The following ANK2 variants were observed in gnomAD, a reference collection of about 807,000 sequenced individuals.
ANK2 encodes ankyrin-2.
Under a neutral mutation model 360.5 loss-of-function variants are expected in ANK2, and 83 were observed. That is an observed-to-expected ratio of 0.23 (90% confidence interval 0.19 to 0.28). The LOEUF is 0.28. Among genes scored for constraint, ANK2 ranks in the 10% least tolerant of loss-of-function variants. The pLI, the probability that ANK2 is intolerant of heterozygous loss-of-function variation, is 1.00. For missense variants in ANK2, 4,201 were observed against 4,795.7 expected, an observed-to-expected ratio of 0.88 and a Z score of 3.66; for synonymous variants, 1,740 against 1,759.5, an observed-to-expected ratio of 0.99 and a Z score of 0.28.
rs116338686 is a variant in ANK2 at position 113,145,933 on chromosome 4, T to A, written c.85-28483T>A. 4.5e-4 allele frequency: 577 copies of A among 1,289,772 alleles called. 3 individuals carry two copies. In the African/African-American group the frequency reaches 7.8e-3, roughly 17 times the overall value. The allele number at this position is 1,289,772 out of a possible 1,614,324, so 79.9% of individuals were successfully genotyped here. A position where few individuals can be genotyped will look rare whatever the true frequency, so the allele number is the denominator to read the frequency against. Reference sequence around the variant, plus strand: ...AAGAGCATAAGAGCACAAGGAAACATGCAGGAACTGGATAAAACCCCAGAC... The same window carrying A: ...AAGAGCATAAGAGCACAAGGAAACAAGCAGGAACTGGATAAAACCCCAGAC... On this transcript the variant is annotated intron_variant, in intron 1 of 45. Transcript: ENST00000357077.
intron 22 of ANK2, 69 bp from the exon 23 acceptor site, chr4:113,302,698 A>C: frequency 8.0e-7 from 1 of 1,256,810 alleles, no homozygotes; most frequent in African/African-American, 1.5e-5. Context: ...GTGGCCTCCT[A>C]TGTGATGCTT....
chr4:113,359,395 T>C, intron 38 of ANK2, 96 bp downstream of exon 38: 1 of 1,530,450 alleles, frequency 6.5e-7, no homozygotes, highest in Non-Finnish European at 8.9e-7. Context: ...TTGTGTCTCA[T>C]TTTCTTTAAG....
chr4:113,055,364 G>C (rs1050694166), intron 1 of ANK2, among the ~76,000 whole-genome samples: 4 of 152,244 alleles, frequency 2.6e-5, no homozygotes, highest in Middle Eastern at 3.4e-3. Flanking sequence ...CTGCACTCCA[G>C]CCTGCATGAC....
At chr4:112,862,305 T>C (rs966810179) in intron 1 of ANK2, among the ~76,000 whole-genome samples, 11 of 152,240 alleles carry the variant, frequency 7.2e-5, no homozygotes, top group African/African-American at 1.4e-4. Flanking sequence ...TTTATTTCAT[T>C]ATTTTTTAGC....
At chr4:112,749,271 C>T in the ANK2 span, among the ~76,000 whole-genome samples, 1 of 152,154 alleles carries the variant, frequency 6.6e-6, no homozygotes, top group African/African-American at 2.4e-5. Flanking sequence ...GAGCAGTTAT[C>T]ACCATTTGTA....
chr4:113,301,226 G>A (rs2074799915), intron 22 of ANK2, among the ~76,000 whole-genome samples: 1 of 151,970 alleles, frequency 6.6e-6, no homozygotes, highest in Admixed American at 6.6e-5. Flanking sequence ...GAAACTGAAG[G>A]TTTGAATTTG....
At chr4:113,012,412 G>A (rs17045344) in intron 2 of ANK2, among the ~76,000 whole-genome samples, 84,841 of 151,916 alleles carry the variant, frequency 0.56, 25,547 homozygotes, top group Non-Finnish European at 0.69. Flanking sequence ...AATGCGATAG[G>A]TCTTTCCTTT....
At chr4:113,031,944 T>C (rs1000910373) in intron 2 of ANK2, among the ~76,000 whole-genome samples, 3 of 152,076 alleles carry the variant, frequency 2.0e-5, no homozygotes, top group African/African-American at 7.2e-5. Context: ...AATCATAGTG[T>C]GTTTTCAGGT....
chr4:112,748,911 AT>A, the ANK2 span, among the ~76,000 whole-genome samples: 1 of 152,074 alleles, frequency 6.6e-6, no homozygotes, highest in Non-Finnish European at 1.5e-5. Flanking sequence ...TTATTTATTT[AT>A]TTTGTAGATG....
the ANK2 span, among the ~76,000 whole-genome samples, chr4:112,775,418 C>T: frequency 6.6e-6 from 1 of 151,360 alleles, no homozygotes; most frequent in African/African-American, 2.4e-5. Flanking sequence ...ACTTGGGAGG[C>T]TGAGACAGGA....
intron 1 of ANK2, among the ~76,000 whole-genome samples, chr4:113,142,464 T>C (rs1050841718): frequency 7.2e-5 from 11 of 152,154 alleles, no homozygotes; most frequent in African/African-American, 2.7e-4. Flanking sequence ...TTCACAGCTA[T>C]GATGTTTTCC....
At chr4:112,733,861 G>A in the ANK2 span, among the ~76,000 whole-genome samples, 3 of 152,170 alleles carry the variant, frequency 2.0e-5, no homozygotes, top group East Asian at 1.9e-4. Context: ...TGCAACCTCC[G>A]CCTCCTGGGT....
At chr4:113,215,338 T>C (rs1004707092) in intron 4 of ANK2, among the ~76,000 whole-genome samples, 3 of 152,222 alleles carry the variant, frequency 2.0e-5, no homozygotes, top group African/African-American at 7.2e-5. Context: ...AGGGTTGATA[T>C]AGAGATTAAA....
chr4:112,919,842 A>C (rs748137833), intron 2 of ANK2, among the ~76,000 whole-genome samples: 1 of 152,174 alleles, frequency 6.6e-6, no homozygotes, highest in Non-Finnish European at 1.5e-5. Context: ...TCTTAATGCA[A>C]GAATAAATAT....
intron 24 of ANK2, chr4:113,317,420 G>T (rs993280765): frequency 2.3e-6 from 1 of 435,370 alleles, no homozygotes; most frequent in Non-Finnish European, 4.3e-6. Flanking sequence ...AACTACAGTT[G>T]CTGGTTTCAA....
chr4:113,272,797 AGT>A (rs1162132480), intron 14 of ANK2, among the ~76,000 whole-genome samples: 1 of 152,122 alleles, frequency 6.6e-6, no homozygotes, highest in African/African-American at 2.4e-5. Flanking sequence ...TCTATTTTAG[AGT>A]GTGTCACTTG....
intron 45 of ANK2, chr4:113,374,882 A>G (rs2096870261): frequency 7.9e-7 from 1 of 1,267,832 alleles, no homozygotes; most frequent in Non-Finnish European, 1.0e-6. Flanking sequence ...GAGAGGATGG[A>G]GAAACATCTG....
chr4:112,735,119 T>G, the ANK2 span, among the ~76,000 whole-genome samples: 1 of 152,140 alleles, frequency 6.6e-6, no homozygotes, highest in Non-Finnish European at 1.5e-5. Flanking sequence ...GTGAGGTGGC[T>G]CATGCCTATA....
intron 13 of ANK2, among the ~76,000 whole-genome samples, chr4:113,262,262 G>C (rs1692113433): frequency 6.6e-6 from 1 of 152,096 alleles, no homozygotes; most frequent in Non-Finnish European, 1.5e-5. Flanking sequence ...ACCTTGCCCT[G>C]TCACCTAAGC....
Sources: allele counts gnomAD v4.1 joint callset (sites outside exome capture counted in the v4.1 genomes callset), GRCh38; gene constraint gnomAD v4.1.1; transcripts MANE v1.5; gene names NCBI Gene and HGNC (gene_info 2026-07-23, HGNC 2026-07-21).